RBM47: variants seen among roughly 807,000 people sequenced by gnomAD.
RBM47 encodes RNA-binding protein 47.
Under a neutral mutation model 47.1 loss-of-function variants are expected in RBM47, and 21 were observed. The ratio of observed to expected loss-of-function variants is 0.45; its 90% CI spans 0.32 to 0.64. The LOEUF is 0.64. Among genes scored for constraint, RBM47 ranks in the 30% least tolerant of loss-of-function variants. The pLI is 0.05. For missense variants in RBM47, 708 were observed against 870.9 expected, an observed-to-expected ratio of 0.81 and a Z score of 2.35; for synonymous variants, 375 against 361.7, an observed-to-expected ratio of 1.04 and a Z score of -0.42.
In RBM47 at chr4:40,572,081, C is replaced by T. The variant is rs571097936; in HGVS notation, c.-239-27575G>A. On this transcript the variant is annotated intron_variant, in intron 1 of 6. Transcript: ENST00000295971. ...CTAAACACCACCTGTTCCTCAAAAACTACTGGAAAAAAAAAAAAAAACCCA... is the reference window on the plus strand; with the variant it reads ...CTAAACACCACCTGTTCCTCAAAAATTACTGGAAAAAAAAAAAAAAACCCA... 9.0e-4 allele frequency among the ~76,000 whole-genome samples: 119 copies of T among 131,674 alleles called. 2 individuals carry two copies. Among genetic ancestry groups the T allele is most frequent in the South Asian group, 4.7e-4 (2 of 4,214 alleles). The allele number at this position is 131,674 out of a possible 152,430, so 86.4% of individuals were successfully genotyped here. A position where few individuals can be genotyped will look rare whatever the true frequency, so the allele number is the denominator to read the frequency against.
Position 40,423,652 on chromosome 4 carries a change from T to TTTTCTTTC in RBM47, c.*2244_*2251dup, listed in dbSNP as rs56334700. ...TCATTTTTTTTTATTCTTTCTTTCT[T>TTTTCTTTC]TTTCTTTCTTTCTTTCTTTCTTTCT... On this transcript the variant is annotated 3_prime_UTR_variant, in exon 7 of 7. Coordinates refer to ENST00000295971, the MANE Select transcript of RBM47 (RefSeq NM_001098634.2). 499 of 129,250 alleles carry TTTTCTTTC rather than the reference T, an allele frequency of 3.9e-3. 1 individual carries two copies. Among genetic ancestry groups the TTTTCTTTC allele is most frequent in the South Asian group, 6.0e-3 (22 of 3,682 alleles). The allele number at this position is 129,250 out of a possible 1,614,324, so 8.0% of individuals were successfully genotyped here.
At chr4:40,539,739 C>CAAAAAAAAAAAAA (rs56005602) in intron 2 of RBM47, among the ~76,000 whole-genome samples, 1 of 56,330 alleles carries the variant, frequency 1.8e-5, no homozygotes, top group African/African-American at 6.9e-5. Flanking sequence ...GACTCTGTCT[C>CAAAAAAAAAAAAA]AAAAAAAAAA....
At chr4:40,432,179 GTTCT>G (rs1716225355) in intron 6 of RBM47, among the ~76,000 whole-genome samples, 1 of 149,702 alleles carries the variant, frequency 6.7e-6, no homozygotes, top group South Asian at 2.1e-4. Flanking sequence ...CTATACAGAT[GTTCT>G]TTCTCTCTCT....
intron 1 of RBM47, among the ~76,000 whole-genome samples, chr4:40,621,567 A>G (rs1231754002): frequency 6.6e-6 from 1 of 152,242 alleles, no homozygotes; most frequent in Non-Finnish European, 1.5e-5. Context: ...AGCAATTGGC[A>G]CTTGTGGAAA....
At chr4:40,483,339 T>C (rs900207124) in intron 2 of RBM47, among the ~76,000 whole-genome samples, 4 of 152,166 alleles carry the variant, frequency 2.6e-5, no homozygotes, top group African/African-American at 9.6e-5. Context: ...ACCCCGAAGA[T>C]TGGATGGTGA....
At chr4:40,505,480 A>G (rs1481506066) in intron 2 of RBM47, among the ~76,000 whole-genome samples, 1 of 151,498 alleles carries the variant, frequency 6.6e-6, no homozygotes, top group Non-Finnish European at 1.5e-5. Context: ...CATCTAAAAA[A>G]AAAAAAAAAA....
At chr4:40,598,765 A>G (rs1734978989) in intron 1 of RBM47, among the ~76,000 whole-genome samples, 3 of 151,402 alleles carry the variant, frequency 2.0e-5, no homozygotes, top group Non-Finnish European at 4.4e-5. Context: ...TACATTCTAT[A>G]TTCTATAGTG....
At chr4:40,494,418 C>G (rs1282779269) in intron 2 of RBM47, among the ~76,000 whole-genome samples, 1 of 152,176 alleles carries the variant, frequency 6.6e-6, no homozygotes, top group Non-Finnish European at 1.5e-5. Context: ...AGAGACAAGT[C>G]AAATACTTAG....
At chr4:40,595,607 G>A (rs774773254) in intron 1 of RBM47, among the ~76,000 whole-genome samples, 5 of 152,090 alleles carry the variant, frequency 3.3e-5, no homozygotes, top group Admixed American at 6.6e-5. Context: ...AAAAGATCAG[G>A]CCGGGTGCTG....
At chr4:40,529,080 T>C (rs1263022678) in intron 2 of RBM47, among the ~76,000 whole-genome samples, 1 of 152,176 alleles carries the variant, frequency 6.6e-6, no homozygotes, top group East Asian at 1.9e-4. Context: ...TAGTAGCCAG[T>C]AGCCACATAT....
In RBM47 at chr4:40,438,937, AAAG is replaced by A; in HGVS notation, c.-31-16_-31-14del. On this transcript the variant is annotated splice_polypyrimidine_tract_variant and intron_variant, in intron 3 of 6. Transcript: ENST00000295971. The stretch of plus-strand genomic sequence containing the variant: ...AGCTGGCGGAAACCTGGGGAAGCAG[AAAG>A]AAGCGTGAGTGGGGAACCGCTGGAT... The A allele has an allele frequency of 6.7e-7, 1 of 1,485,800 alleles. No individual in the cohort carries two copies. Among genetic ancestry groups the A allele is most frequent in the African/African-American group, 1.4e-5 (1 of 72,244 alleles). 92.0% of individuals were successfully genotyped at this position (1,485,800 alleles called of 1,614,324 possible).
intron 2 of RBM47, among the ~76,000 whole-genome samples, chr4:40,483,401 G>C (rs1317741023): frequency 6.6e-6 from 1 of 152,206 alleles, no homozygotes; most frequent in Non-Finnish European, 1.5e-5. Context: ...GCGGGGTAGC[G>C]GAAGCAGAGG....
chr4:40,519,652 T>A lies in RBM47; in HGVS notation c.-155+24770A>T, dbSNP rs1363815351. Among the ~76,000 whole-genome samples the A allele has an allele frequency of 2.5e-3, 325 of 128,486 alleles. 1 individual carries two copies. The highest frequency in any genetic ancestry group is 9.4e-3 in the African/African-American group (316 of 33,752). The allele number at this position is 128,486 out of a possible 152,430, so 84.3% of individuals were successfully genotyped here. A position where few individuals can be genotyped will look rare whatever the true frequency, so the allele number is the denominator to read the frequency against. On this transcript the variant is annotated intron_variant, in intron 2 of 6. Coordinates refer to ENST00000295971, the MANE Select transcript of RBM47 (RefSeq NM_001098634.2). Reference sequence around the variant, plus strand: ...CCTCCTCTCCCACTTCCCTCTACCCTACCCTCCTTTTTTTTTTTTTTTTTT... The same window carrying A: ...CCTCCTCTCCCACTTCCCTCTACCCAACCCTCCTTTTTTTTTTTTTTTTTT...
At position 40,423,813 on chromosome 4, in the gene RBM47, T is replaced by C. The variant is rs926294774; in HGVS notation, c.*2091A>G. On this transcript the variant is annotated 3_prime_UTR_variant, in exon 7 of 7. Coordinates refer to ENST00000295971, the MANE Select transcript of RBM47 (RefSeq NM_001098634.2). ...AATACTGGGTCATAGTTTCATCCAGTGAAACTCTGTGACAATCCTTCACTA... is the reference window on the plus strand; with the variant it reads ...AATACTGGGTCATAGTTTCATCCAGCGAAACTCTGTGACAATCCTTCACTA... The C allele has an allele frequency of 3.3e-5, 5 of 152,456 alleles. No homozygotes were observed. Among genetic ancestry groups the C allele is most frequent in the African/African-American group, 1.2e-4 (5 of 41,388 alleles). 9.4% of individuals were successfully genotyped at this position (152,456 alleles called of 1,614,324 possible).
chr4:40,594,236 C>T (rs1239619063), intron 1 of RBM47, among the ~76,000 whole-genome samples: 7 of 152,072 alleles, frequency 4.6e-5, no homozygotes, highest in African/African-American at 1.7e-4. Context: ...AGGAATATTT[C>T]TCTTAATTTG....
At chr4:40,538,327 TG>T (rs1183761960) in intron 2 of RBM47, among the ~76,000 whole-genome samples, 53 of 120,048 alleles carry the variant, frequency 4.4e-4, no homozygotes, top group African/African-American at 1.8e-3. Flanking sequence ...TTATTGGTAT[TG>T]TTTTTTTTTT....
chr4:40,498,396 A>T (rs1375522776), intron 2 of RBM47, among the ~76,000 whole-genome samples: 1 of 152,128 alleles, frequency 6.6e-6, no homozygotes, highest in Non-Finnish European at 1.5e-5. Context: ...TCTATTAAAA[A>T]TTGTTAAGTA....
chr4:40,576,397 T>C (rs193063662), intron 1 of RBM47, among the ~76,000 whole-genome samples: 2 of 151,716 alleles, frequency 1.3e-5, no homozygotes, highest in African/African-American at 4.8e-5. Context: ...CTGAGCAACA[T>C]AGCAACAGCC....
At chr4:40,516,686 G>A (rs1165072829) in intron 2 of RBM47, among the ~76,000 whole-genome samples, 1 of 152,180 alleles carries the variant, frequency 6.6e-6, no homozygotes, top group Non-Finnish European at 1.5e-5. Context: ...ACAGCCCAAG[G>A]TCACTGAGCC....
Sources: allele counts gnomAD v4.1 joint callset (sites outside exome capture counted in the v4.1 genomes callset), GRCh38; gene constraint gnomAD v4.1.1; transcripts MANE v1.5; gene names NCBI Gene and HGNC (gene_info 2026-07-23, HGNC 2026-07-21).